Variants in ELMOD3 observed in about 807,000 individuals in gnomAD.
The protein encoded by ELMOD3 is ELMO domain containing 3, also known as ELMO domain-containing protein 3.
A neutral mutation model predicts 47.4 loss-of-function variants in ELMOD3; 36 were observed. The observed-to-expected ratio is 0.76, with a 90% CI of 0.58 to 1.00. The LOEUF (loss-of-function observed/expected upper bound fraction) is 1.00. ELMOD3 is among the 50% of genes least tolerant of loss of function. ELMOD3 has a pLI of 0.00. For synonymous variants in ELMOD3, 149 were observed against 183.5 expected (o/e 0.81, Z 1.52); for missense variants, 404 against 463.8 (o/e 0.87, Z 1.18).
chr2:85,365,056 A>G (rs1019390785), intron 6 of ELMOD3, among the ~76,000 whole-genome samples: 5 of 149,128 alleles, frequency 3.4e-5, no homozygotes, highest in African/African-American at 1.2e-4. Flanking sequence ...TGATCCTCCC[A>G]CTTTGGCCTC....
At chr2:85,366,952 G>A (rs551208098) in intron 6 of ELMOD3, among the ~76,000 whole-genome samples, 4 of 152,128 alleles carry the variant, frequency 2.6e-5, no homozygotes, top group South Asian at 2.1e-4. Flanking sequence ...GTAGCAAACC[G>A]GAAAAGTCAG....
chr2:85,389,828 G>A lies in ELMOD3; in HGVS notation c.815+1G>A, dbSNP rs1558721816. On this transcript the variant is annotated splice_donor_variant, in intron 12 of 13. Transcript: ENST00000409013. LOFTEE classifies it high-confidence loss of function. ...CCTTGAGAGAGGAGTGTCTCTCCAGGTGAGTCCCCAAACACCAGCTGGTTA... is the reference window on the plus strand; with the variant it reads ...CCTTGAGAGAGGAGTGTCTCTCCAGATGAGTCCCCAAACACCAGCTGGTTA... The A allele has an allele frequency of 6.2e-7, 1 of 1,613,286 alleles. No individual in the cohort carries two copies. Among genetic ancestry groups the A allele is most frequent in the Non-Finnish European group, 8.5e-7 (1 of 1,179,298 alleles).
Position 85,371,309 on chromosome 2 carries a change from C to A in ELMOD3, c.484+100C>A, listed in dbSNP as rs567069997. The A allele has an allele frequency of 1.7e-4, 266 of 1,603,216 alleles. 3 individuals carry two copies. The South Asian group carries it at 2.9e-3, about 17-fold the overall frequency. On this transcript the variant is annotated intron_variant, in intron 9 of 13. Transcript: ENST00000409013. Reference sequence around the variant, plus strand: ...GGCTAAGCCAGGAATATTGCATGTACCATGGTTGGCGGGTGAGAGTGGGAG... The same window carrying A: ...GGCTAAGCCAGGAATATTGCATGTAACATGGTTGGCGGGTGAGAGTGGGAG...
chr2:85,390,300 T>A (rs1473621668), intron 13 of ELMOD3, 35 bp downstream of exon 13: 1 of 1,614,052 alleles, frequency 6.2e-7, no homozygotes, highest in African/African-American at 1.3e-5. Flanking sequence ...CTAGGCTGAA[T>A]GCACAGTGTC....
chr2:85,360,267 A>G (rs1683857430), intron 4 of ELMOD3, among the ~76,000 whole-genome samples: 1 of 77,118 alleles, frequency 1.3e-5, no homozygotes, highest in South Asian at 2.9e-4. Flanking sequence ...ACTCCATCTC[A>G]AAAAAAAAAA....
intron 11 of ELMOD3, among the ~76,000 whole-genome samples, chr2:85,378,772 T>A (rs1379678622): frequency 1.3e-5 from 2 of 152,248 alleles, no homozygotes; most frequent in South Asian, 2.1e-4. Context: ...TTTTCTTTTT[T>A]AAAATCTTTT....
chr2:85,364,158 A>G (rs1456578898), intron 6 of ELMOD3, among the ~76,000 whole-genome samples: 1 of 136,810 alleles, frequency 7.3e-6, no homozygotes, highest in Non-Finnish European at 1.6e-5. Context: ...TTTTTTTGTT[A>G]GGGACAGGGC....
At chr2:85,373,622 C>G (rs568700652) in intron 10 of ELMOD3, among the ~76,000 whole-genome samples, 16 of 151,946 alleles carry the variant, frequency 1.1e-4, no homozygotes, top group African/African-American at 3.9e-4. Context: ...GGGAGGATCA[C>G]GAGGTCAGGA....
intron 10 of ELMOD3, 114 bp downstream of exon 10, chr2:85,371,676 T>G: frequency 6.8e-7 from 1 of 1,476,736 alleles, no homozygotes; most frequent in East Asian, 2.3e-5. Flanking sequence ...GGGGGAGTAT[T>G]CCGGGAAGAG....
intron 8 of ELMOD3, 50 bp from the exon 9 acceptor site, chr2:85,371,036 T>G: frequency 6.3e-7 from 1 of 1,593,852 alleles, no homozygotes; most frequent in Non-Finnish European, 8.6e-7. Flanking sequence ...GGAAGTTGAT[T>G]AAGGGAAATG....
chr2:85,364,825 A>ATATATATATATATATTTT (rs375582916), intron 6 of ELMOD3, among the ~76,000 whole-genome samples: 2 of 69,892 alleles, frequency 2.9e-5, no homozygotes, highest in African/African-American at 1.3e-4. Flanking sequence ...ATATATATAT[A>ATATATATATATATATTTT]TTTTTTTTTT....
chr2:85,371,246 T>A (rs1293467939), intron 9 of ELMOD3, 37 bp downstream of exon 9: 1 of 1,614,140 alleles, frequency 6.2e-7, no homozygotes, highest in South Asian at 1.1e-5. Context: ...AGTTGCTGCA[T>A]CTGTGGTTGG....
At chr2:85,360,248 A>G (rs1327711661) in intron 4 of ELMOD3, among the ~76,000 whole-genome samples, 1 of 147,550 alleles carries the variant, frequency 6.8e-6, no homozygotes, top group African/African-American at 2.5e-5. Flanking sequence ...CCTGGGCAAC[A>G]AGAGCAAAAC....
At chr2:85,383,080 A>AAG (rs1685696966) in intron 11 of ELMOD3, among the ~76,000 whole-genome samples, 1 of 151,526 alleles carries the variant, frequency 6.6e-6, no homozygotes. Context: ...CTCCAAAAAA[A>AAG]AAAAAAAGAG....
At chr2:85,380,024 T>C (rs1243203192) in intron 11 of ELMOD3, among the ~76,000 whole-genome samples, 1 of 152,262 alleles carries the variant, frequency 6.6e-6, no homozygotes, top group Non-Finnish European at 1.5e-5. Context: ...AAGGGCGTTA[T>C]TGGCTTCATA....
chr2:85,361,200 T>C (rs556413140), intron 4 of ELMOD3, among the ~76,000 whole-genome samples: 230 of 139,192 alleles, frequency 1.7e-3, no homozygotes, highest in Non-Finnish European at 2.4e-3. Flanking sequence ...CCGAGTATTT[T>C]GGTCGGTTTT....
At chr2:85,390,431 G>A in intron 13 of ELMOD3, 166 bp downstream of exon 13, 11 of 1,614,168 alleles carry the variant, frequency 6.8e-6, no homozygotes, top group Non-Finnish European at 9.3e-6. Context: ...GAGTCTGCTA[G>A]TTCTCCTTTC....
chr2:85,362,224 C>T lies in ELMOD3; in HGVS notation c.93C>T (p.Asp31=), dbSNP rs374065899. ...RLSAGYSPSY[D]KDKSVLAFRG... is the part of the protein sequence containing the mutation. ...CTGCTGGATATTCTCCATCATATGACAAGGACAAGAGTGTTCTGGCTTTCA... is the reference window on the plus strand; with the variant it reads ...CTGCTGGATATTCTCCATCATATGATAAGGACAAGAGTGTTCTGGCTTTCA... The change falls in exon 5 of 14, where the codon GAC becomes GAT. Residue 31 remains aspartate (D), a synonymous_variant. Coordinates refer to ENST00000409013, the MANE Select transcript of ELMOD3 (RefSeq NM_001135022.2). 4.5e-5 allele frequency: 73 copies of T among 1,607,830 alleles called. No individual in the cohort carries two copies. Among genetic ancestry groups the T allele is most frequent in the Non-Finnish European group, 6.0e-5 (70 of 1,174,350 alleles).
rs779335836 is a variant in ELMOD3 at position 85,368,765 on chromosome 2, G to T, written c.268+11G>T. 2 of 1,614,014 alleles carry T rather than the reference G, an allele frequency of 1.2e-6. No individual in the cohort carries two copies. The highest frequency in any genetic ancestry group is 1.7e-6 in the Non-Finnish European group (2 of 1,179,976). ...TCCAGCCAGAGACAGGTAACTGTAC[G>T]AATGCTGCTGTCTCCCCATAGCCCC... is the stretch of plus-strand genomic sequence containing the variant. On this transcript the variant is annotated intron_variant, in intron 7 of 13. Transcript: ENST00000409013.
Sources: gnomAD v4.1 joint callset for allele counts (sites outside exome capture counted in the v4.1 genomes callset) on GRCh38, gnomAD v4.1.1 for gene constraint, MANE v1.5 for transcripts, NCBI Gene and HGNC (gene_info 2026-07-23, HGNC 2026-07-21) for gene names.